NBEA: variants seen among roughly 807,000 people sequenced by gnomAD.
NBEA encodes the protein lysosomal-trafficking regulator 2.
In NBEA, 44 loss-of-function variants were observed where a neutral mutation model predicts 343.4. That is an observed-to-expected ratio of 0.13 (90% CI 0.10 to 0.16). NBEA has a LOEUF of 0.16. Ranked by LOEUF, NBEA falls within the 10% of genes least tolerant of loss-of-function variation. The pLI is 1.00. For missense variants in NBEA, 2,555 were observed against 3,631.3 expected (o/e 0.70, Z 7.62); for synonymous variants, 1,175 against 1,238.7 (o/e 0.95, Z 1.08).
intron 58 of NBEA, among the ~76,000 whole-genome samples, chr13:35,669,423 A>G (rs1467072524): frequency 1.3e-5 from 2 of 152,242 alleles, no homozygotes; most frequent in Non-Finnish European, 2.9e-5. Context: ...GACATAATAA[A>G]GTTAACAAAG....
intron 1 of NBEA, among the ~76,000 whole-genome samples, chr13:34,975,928 G>A (rs1188544894): frequency 2.6e-5 from 4 of 152,136 alleles, no homozygotes; most frequent in Non-Finnish European, 5.9e-5. Flanking sequence ...ACTAATAGAT[G>A]TTGGTTTGGA....
intron 30 of NBEA, among the ~76,000 whole-genome samples, chr13:35,184,998 G>A (rs1355813221): frequency 6.6e-6 from 1 of 152,122 alleles, no homozygotes; most frequent in Non-Finnish European, 1.5e-5. Context: ...GATTATCCAG[G>A]TGGGCTTGAC....
intron 41 of NBEA, among the ~76,000 whole-genome samples, chr13:35,479,631 C>T (rs755696015): frequency 2.0e-5 from 3 of 151,992 alleles, no homozygotes; most frequent in African/African-American, 7.2e-5. Flanking sequence ...AAAAAAATAT[C>T]ATTTGACCTA....
intron 33 of NBEA, among the ~76,000 whole-genome samples, chr13:35,219,760 C>T (rs1462543482): frequency 6.6e-6 from 1 of 152,100 alleles, no homozygotes; most frequent in Non-Finnish European, 1.5e-5. Context: ...CCGATGTTTC[C>T]GTCTGAGTCC....
chr13:35,591,036 G>T (rs965434400), intron 46 of NBEA, among the ~76,000 whole-genome samples: 1 of 152,016 alleles, frequency 6.6e-6, no homozygotes, highest in South Asian at 2.1e-4. Context: ...GGTACAGTGC[G>T]TAAAGCTGGT....
intron 18 of NBEA, among the ~76,000 whole-genome samples, chr13:35,148,630 C>T (rs2068583245): frequency 6.6e-6 from 1 of 152,210 alleles, no homozygotes; most frequent in Non-Finnish European, 1.5e-5. Context: ...AACTCATACA[C>T]ATATGCACAC....
chr13:34,984,091 T>C (rs1014411166), intron 1 of NBEA, among the ~76,000 whole-genome samples: 1 of 152,232 alleles, frequency 6.6e-6, no homozygotes, highest in Non-Finnish European at 1.5e-5. Context: ...TTTGGTGTTT[T>C]AGTCATGAAG....
At chr13:35,072,216 A>G (rs556962152) in intron 10 of NBEA, among the ~76,000 whole-genome samples, 25 of 152,266 alleles carry the variant, frequency 1.6e-4, no homozygotes, top group African/African-American at 5.8e-4. Context: ...AGTAGCCACT[A>G]GAAAAATCCA....
At chr13:35,551,890 A>G (rs2079344108) in intron 43 of NBEA, among the ~76,000 whole-genome samples, 1 of 152,196 alleles carries the variant, frequency 6.6e-6, no homozygotes, top group African/African-American at 2.4e-5. Flanking sequence ...GCCTAAAGCA[A>G]TCTTTATCTT....
At chr13:35,485,490 T>G (rs2076274307) in intron 41 of NBEA, among the ~76,000 whole-genome samples, 2 of 152,218 alleles carry the variant, frequency 1.3e-5, no homozygotes, top group South Asian at 4.1e-4. Context: ...TTATCCATGT[T>G]ATGGAAAATT....
intron 1 of NBEA, among the ~76,000 whole-genome samples, chr13:35,010,736 A>G (rs2061458478): frequency 4.6e-5 from 1 of 21,618 alleles, no homozygotes; most frequent in Non-Finnish European, 1.1e-4. Context: ...CAAAAAAAAA[A>G]AAAAAATATA....
intron 55 of NBEA, 94 bp downstream of exon 55, chr13:35,655,843 T>G (rs2084789248): frequency 5.7e-6 from 7 of 1,222,040 alleles, no homozygotes; most frequent in South Asian, 1.6e-5. Context: ...TCCTGAGGTG[T>G]AAGGATTTTA....
intron 49 of NBEA, among the ~76,000 whole-genome samples, chr13:35,634,134 G>T (rs2083592323): frequency 6.6e-6 from 1 of 152,128 alleles, no homozygotes; most frequent in Admixed American, 6.6e-5. Flanking sequence ...CACGAGGTCA[G>T]GAGATTGAGA....
chr13:35,170,427 A>C (rs1363910618), intron 25 of NBEA, among the ~76,000 whole-genome samples: 1 of 151,986 alleles, frequency 6.6e-6, no homozygotes, highest in East Asian at 1.9e-4. Context: ...GGCACTGATA[A>C]AATGAGGCCT....
intron 41 of NBEA, among the ~76,000 whole-genome samples, chr13:35,501,893 C>T (rs965395590): frequency 3.3e-5 from 5 of 152,028 alleles, no homozygotes; most frequent in African/African-American, 1.2e-4. Context: ...GATTTTTTTC[C>T]ACATTGTCAG....
intron 16 of NBEA, among the ~76,000 whole-genome samples, chr13:35,119,731 G>A (rs1433096483): frequency 1.3e-5 from 2 of 152,100 alleles, no homozygotes; most frequent in South Asian, 4.2e-4. Flanking sequence ...GACTACAGGC[G>A]CCTGCCACAA....
intron 1 of NBEA, among the ~76,000 whole-genome samples, chr13:35,012,542 G>A (rs778154419): frequency 2.6e-5 from 4 of 152,194 alleles, no homozygotes; most frequent in Non-Finnish European, 5.9e-5. Context: ...TAGTCCTGCA[G>A]CTATCCTGTG....
chr13:34,957,770 A>G (rs1428853509), intron 1 of NBEA, among the ~76,000 whole-genome samples: 2 of 152,166 alleles, frequency 1.3e-5, no homozygotes, highest in African/African-American at 2.4e-5. Context: ...ATTTTTAAGA[A>G]ACAACATAAA....
At chr13:35,336,265 G>T (rs992196785) in intron 36 of NBEA, among the ~76,000 whole-genome samples, 3 of 152,118 alleles carry the variant, frequency 2.0e-5, no homozygotes, top group South Asian at 2.1e-4. Context: ...AAACATCATT[G>T]CAAGGAGACA....
Sources: allele counts gnomAD v4.1 joint callset (sites outside exome capture counted in the v4.1 genomes callset), GRCh38; gene constraint gnomAD v4.1.1; transcripts MANE v1.5; gene names NCBI Gene and HGNC (gene_info 2026-07-23, HGNC 2026-07-21).